The following XRCC4 variants were observed in gnomAD, a reference collection of about 807,000 sequenced individuals.
XRCC4 encodes the protein DNA repair protein XRCC4.
A neutral mutation model predicts 39.1 loss-of-function variants in XRCC4; 28 were observed. The ratio of observed to expected loss-of-function variants is 0.72; its 90% CI spans 0.53 to 0.98. XRCC4 has a LOEUF of 0.98. Among genes scored for constraint, XRCC4 ranks in the 50% least tolerant of loss-of-function variants. The pLI is 0.00. For synonymous variants in XRCC4, 123 were observed against 126.4 expected (o/e 0.97, Z 0.18); for missense variants, 350 against 376.4 (o/e 0.93, Z 0.58).
At chr5:83,136,267 A>G (rs916736664) in intron 3 of XRCC4, among the ~76,000 whole-genome samples, 4 of 152,190 alleles carry the variant, frequency 2.6e-5, no homozygotes, top group African/African-American at 7.2e-5. Context: ...TAGATCACCA[A>G]TTCTGACGAC....
intron 6 of XRCC4, among the ~76,000 whole-genome samples, chr5:83,239,313 C>A (rs1225245279): frequency 1.3e-5 from 2 of 152,002 alleles, no homozygotes; most frequent in Non-Finnish European, 2.9e-5. Flanking sequence ...AGATGGTACT[C>A]AATATATGTT....
chr5:83,369,451 T>A, the XRCC4 span, among the ~76,000 whole-genome samples: 1 of 152,156 alleles, frequency 6.6e-6, no homozygotes, highest in Non-Finnish European at 1.5e-5. Flanking sequence ...CCGTCTTGTG[T>A]CCCTGTGTAC....
chr5:83,196,032 G>T, intron 4 of XRCC4, 96 bp downstream of exon 4: 4 of 1,236,548 alleles, frequency 3.2e-6, no homozygotes, highest in Non-Finnish European at 4.4e-6. Context: ...AATATATGTG[G>T]ATTAGCACAT....
intron 3 of XRCC4, among the ~76,000 whole-genome samples, chr5:83,135,060 G>A (rs990687459): frequency 1.3e-5 from 2 of 152,184 alleles, no homozygotes; most frequent in Non-Finnish European, 2.9e-5. Context: ...CTTCATTCTT[G>A]AAGTCCGCGA....
chr5:83,267,031 C>A (rs1753980651), intron 7 of XRCC4, among the ~76,000 whole-genome samples: 2 of 152,174 alleles, frequency 1.3e-5, no homozygotes, highest in Admixed American at 1.3e-4. Context: ...ATGTATATGG[C>A]TAACTATAAT....
chr5:83,327,184 A>C (rs1351337853), intron 7 of XRCC4, among the ~76,000 whole-genome samples: 1 of 151,906 alleles, frequency 6.6e-6, no homozygotes, highest in Non-Finnish European at 1.5e-5. Flanking sequence ...TTTCCTTATA[A>C]TTATTTGTAG....
chr5:83,217,358 C>CAAAAA lies in XRCC4; in HGVS notation c.745+12452_745+12456dup, dbSNP rs59416363. On this transcript the variant is annotated intron_variant, in intron 6 of 7. Coordinates refer to ENST00000396027, the MANE Select transcript of XRCC4 (RefSeq NM_003401.5). ...GGCAGCGCAGAGCAAGACTCCGTCT[C>CAAAAA]AAAAAAAAAAAAAAAAAAACCATTG... 5.6e-4 allele frequency among the ~76,000 whole-genome samples: 54 copies of CAAAAA among 96,136 alleles called. 2 individuals are homozygous for CAAAAA. The highest frequency in any genetic ancestry group is 2.2e-3 in the African/African-American group (47 of 21,254). 63.1% of individuals were successfully genotyped at this position (96,136 alleles called of 152,430 possible). A position where few individuals can be genotyped will look rare whatever the true frequency, so the allele number is the denominator to read the frequency against.
chr5:83,334,500 A>G (rs1490271164), intron 7 of XRCC4, among the ~76,000 whole-genome samples: 5 of 152,058 alleles, frequency 3.3e-5, no homozygotes, highest in African/African-American at 1.2e-4. Context: ...CCTCAATGTA[A>G]CGGAATAGTA....
intron 6 of XRCC4, among the ~76,000 whole-genome samples, chr5:83,223,126 T>A (rs1752151397): frequency 6.6e-6 from 1 of 152,210 alleles, no homozygotes; most frequent in Non-Finnish European, 1.5e-5. Flanking sequence ...ATATTCCATG[T>A]TCTGATGAGA....
chr5:83,148,314 G>T (rs1748553006), intron 3 of XRCC4, among the ~76,000 whole-genome samples: 1 of 152,098 alleles, frequency 6.6e-6, no homozygotes, highest in Non-Finnish European at 1.5e-5. Context: ...CTTCTTTGTA[G>T]TTCCTTCTTT....
the XRCC4 span, among the ~76,000 whole-genome samples, chr5:83,364,121 T>C: frequency 6.6e-6 from 1 of 152,176 alleles, no homozygotes; most frequent in African/African-American, 2.4e-5. Flanking sequence ...GGAGACATTG[T>C]GAACTAACCT....
chr5:83,358,952 C>T, the XRCC4 span, among the ~76,000 whole-genome samples: 2 of 152,188 alleles, frequency 1.3e-5, no homozygotes, highest in Non-Finnish European at 2.9e-5. Flanking sequence ...ATGACATATG[C>T]TTCATCCCAC....
intron 3 of XRCC4, among the ~76,000 whole-genome samples, chr5:83,116,926 T>G (rs781447949): frequency 9.2e-5 from 14 of 152,090 alleles, no homozygotes; most frequent in Non-Finnish European, 1.8e-4. Flanking sequence ...CCAGCCAGAA[T>G]TACCAATTTC....
intron 3 of XRCC4, among the ~76,000 whole-genome samples, chr5:83,155,383 A>G (rs1378173870): frequency 6.6e-6 from 1 of 152,200 alleles, no homozygotes; most frequent in Non-Finnish European, 1.5e-5. Flanking sequence ...AAAACTACTA[A>G]TTGCTACATG....
chr5:83,290,153 C>G (rs1045829172), intron 7 of XRCC4, among the ~76,000 whole-genome samples: 1 of 151,754 alleles, frequency 6.6e-6, no homozygotes, highest in Non-Finnish European at 1.5e-5. Flanking sequence ...GTTGTTTGCC[C>G]TGCAACCTCA....
rs536331116 is a variant in XRCC4, at chr5:83,114,176, C to T, written c.315+2973C>T. 3.9e-5 allele frequency among the ~76,000 whole-genome samples: 6 copies of T among 152,292 alleles called. No homozygotes were observed. In the South Asian group the frequency reaches 1.2e-3, roughly 32 times the overall value. ...GACCTGGCCCAGGAAACTGTTTTTA[C>T]CGCCTAGGCCTCTGGAGCCTATAAT... On this transcript the variant is annotated intron_variant, in intron 3 of 7. Coordinates refer to ENST00000396027, the MANE Select transcript of XRCC4 (RefSeq NM_003401.5).
Position 83,147,099 on chromosome 5 carries a change from C to T in XRCC4, c.315+35896C>T, listed in dbSNP as rs143887196. Among the ~76,000 whole-genome samples, 7 of 152,304 alleles carry T rather than the reference C, an allele frequency of 4.6e-5. No individual in the cohort carries two copies. In the East Asian group the frequency reaches 1.4e-3, roughly 29 times the overall value. On this transcript the variant is annotated intron_variant, in intron 3 of 7. Transcript: ENST00000396027. ...ATCTTTAACAACTTCTCAAGCTTAT[C>T]TGAACCTTAGTATCATCGTGTTTTA...
At chr5:83,298,604 T>C (rs1237494236) in intron 7 of XRCC4, among the ~76,000 whole-genome samples, 1 of 151,866 alleles carries the variant, frequency 6.6e-6, no homozygotes, top group Non-Finnish European at 1.5e-5. Flanking sequence ...TTCTACTTTA[T>C]GTGTCCTTAC....
At chr5:83,148,981 C>T (rs1423506300) in intron 3 of XRCC4, among the ~76,000 whole-genome samples, 2 of 152,068 alleles carry the variant, frequency 1.3e-5, no homozygotes, top group Non-Finnish European at 2.9e-5. Context: ...AGAGCTTATG[C>T]TATATTATTT....
Sources: gnomAD v4.1 joint callset for allele counts (sites outside exome capture counted in the v4.1 genomes callset) on GRCh38, gnomAD v4.1.1 for gene constraint, MANE v1.5 for transcripts, NCBI Gene and HGNC (gene_info 2026-07-23, HGNC 2026-07-21) for gene names.